Variants in DOCK8 observed in about 807,000 individuals in gnomAD.
DOCK8 encodes dedicator of cytokinesis 8.
A neutral mutation model predicts 245.6 loss-of-function variants in DOCK8; 141 were observed. The ratio of observed to expected loss-of-function variants is 0.57; its 90% CI spans 0.50 to 0.66. DOCK8 has a LOEUF of 0.66. DOCK8 is among the 30% of genes least tolerant of loss of function. DOCK8 has a pLI of 0.00. For synonymous variants in DOCK8, 1,168 were observed against 970.2 expected, an observed-to-expected ratio of 1.20 and a Z score of -3.79; for missense variants, 2,965 against 2,603.4, an observed-to-expected ratio of 1.14 and a Z score of -3.02.
At chr9:432,420 A>T in intron 37 of DOCK8, 96 bp downstream of exon 37, 1 of 1,159,834 alleles carries the variant, frequency 8.6e-7, no homozygotes, top group Non-Finnish European at 1.2e-6. Context: ...TTTATATATA[A>T]ATATATAACA....
intron 12 of DOCK8, 111 bp from the exon 13 acceptor site, chr9:338,895 G>A: frequency 1.2e-6 from 1 of 848,882 alleles, no homozygotes; most frequent in Non-Finnish European, 2.0e-6. Flanking sequence ...TAATTTCTAT[G>A]AAAGACTTGT....
At chr9:449,133 C>G (rs1406418567) in intron 44 of DOCK8, among the ~76,000 whole-genome samples, 2 of 151,894 alleles carry the variant, frequency 1.3e-5, no homozygotes, top group Non-Finnish European at 2.9e-5. Flanking sequence ...GGGGGATTGC[C>G]TAAGGTTGGG....
intron 1 of DOCK8, among the ~76,000 whole-genome samples, chr9:254,380 AGTGT>A: frequency 6.6e-6 from 1 of 152,172 alleles, no homozygotes; most frequent in East Asian, 1.9e-4. Context: ...GGCTTCGCTG[AGTGT>A]GTGCCTTCTG....
rs552497428 is a variant in DOCK8 at position 247,040 on chromosome 9, A to G, written c.54-24587A>G. On this transcript the variant is annotated intron_variant, in intron 1 of 47. Transcript: ENST00000432829. ...TATTGAATTTAGAATTCCTTAATTAATATTGAGGATCACATGCGAGCTACA... is the reference window on the plus strand; with the variant it reads ...TATTGAATTTAGAATTCCTTAATTAGTATTGAGGATCACATGCGAGCTACA... Among the ~76,000 whole-genome samples, 40 of 152,340 alleles carry G rather than the reference A, an allele frequency of 2.6e-4. 1 individual carries two copies. The South Asian group carries it at 4.3e-3, about 17-fold the overall frequency.
At chr9:251,326 T>C (rs1246154729) in intron 1 of DOCK8, among the ~76,000 whole-genome samples, 1 of 152,170 alleles carries the variant, frequency 6.6e-6, no homozygotes, top group East Asian at 1.9e-4. Context: ...CTCTTAAATC[T>C]TTTACCCATT....
At position 214,889 on chromosome 9, in the gene DOCK8, G is replaced by A; in HGVS notation, c.-88G>A. On this transcript the variant is annotated 5_prime_UTR_variant, in exon 1 of 48. Coordinates refer to ENST00000432829, the MANE Select transcript of DOCK8 (RefSeq NM_203447.4). ...CGACAGACGAGGTTTGCGCTTGGCTGGGCATGTTCCGCGGCTACTCTGCGG... is the reference window on the plus strand; with the variant it reads ...CGACAGACGAGGTTTGCGCTTGGCTAGGCATGTTCCGCGGCTACTCTGCGG... The A allele has an allele frequency of 6.2e-7, 1 of 1,602,670 alleles. No individual in the cohort carries two copies. The highest frequency in any genetic ancestry group is 8.5e-7 in the Non-Finnish European group (1 of 1,175,322).
chr9:274,465 C>CTTTTTT (rs71312800), intron 2 of DOCK8, among the ~76,000 whole-genome samples: 1 of 144,974 alleles, frequency 6.9e-6, no homozygotes, highest in Non-Finnish European at 1.5e-5. Flanking sequence ...GGATTGAATT[C>CTTTTTT]TTTTTTTTTT....
chr9:296,953 A>G lies in DOCK8; in HGVS notation c.404+7372A>G, dbSNP rs145539197. 3.1e-3 allele frequency among the ~76,000 whole-genome samples: 478 copies of G among 152,246 alleles called. 5 individuals carry two copies. Among genetic ancestry groups the G allele is most frequent in the African/African-American group, 0.011 (443 of 41,534 alleles). On this transcript the variant is annotated intron_variant, in intron 4 of 47. Coordinates refer to ENST00000432829, the MANE Select transcript of DOCK8 (RefSeq NM_203447.4). ...CATGTGGGTTCTGATTTTCCATGCC[A>G]GGCAGTCCATCTTAAATGGATGCAT...
intron 24 of DOCK8, among the ~76,000 whole-genome samples, chr9:393,084 T>C (rs1586884116): frequency 3.5e-5 from 1 of 28,866 alleles, no homozygotes; most frequent in Admixed American, 5.5e-4. Context: ...AGACCCTGTC[T>C]CAAAAAAAAA....
At chr9:365,699 C>G (rs2052955742) in intron 14 of DOCK8, 1 of 438,724 alleles carries the variant, frequency 2.3e-6, no homozygotes, top group Non-Finnish European at 4.5e-6. Flanking sequence ...GGCCATGCAG[C>G]TAAAAGAAGC....
chr9:296,900 T>A (rs1209715435), intron 4 of DOCK8, among the ~76,000 whole-genome samples: 1 of 152,156 alleles, frequency 6.6e-6, no homozygotes, highest in Non-Finnish European at 1.5e-5. Flanking sequence ...CACACCAGCC[T>A]GGTTCAGCTT....
intron 7 of DOCK8, among the ~76,000 whole-genome samples, chr9:322,933 A>G (rs1408963196): frequency 6.6e-6 from 1 of 151,938 alleles, no homozygotes; most frequent in Non-Finnish European, 1.5e-5. Flanking sequence ...TCTCTACTAA[A>G]TATACAAAAA....
intron 1 of DOCK8, among the ~76,000 whole-genome samples, chr9:221,247 T>C (rs553763609): frequency 6.6e-6 from 1 of 152,116 alleles, no homozygotes; most frequent in Non-Finnish European, 1.5e-5. Context: ...GGAGAAATGA[T>C]GGCAACAGAA....
At position 396,939 on chromosome 9, in the gene DOCK8, CTG is replaced by C. The variant is rs753119411; in HGVS notation, c.3120+7_3120+8del. Reference sequence around the variant, plus strand: ...CTTTTAGTAAAACCACAGAAGGTAACTGTATTTTACTCTTTATTTTCTAAATT... The same window carrying C: ...CTTTTAGTAAAACCACAGAAGGTAACTATTTTACTCTTTATTTTCTAAATT... On this transcript the variant is annotated splice_donor_region_variant and intron_variant, in intron 25 of 47. Transcript: ENST00000432829. 1.9e-6 allele frequency: 3 copies of C among 1,613,250 alleles called. No homozygotes were observed. The highest frequency in any genetic ancestry group is 1.7e-5 in the Admixed American group (1 of 60,000).
chr9:259,966 A>G (rs1470664392), intron 1 of DOCK8, among the ~76,000 whole-genome samples: 1 of 152,240 alleles, frequency 6.6e-6, no homozygotes, highest in Non-Finnish European at 1.5e-5. Context: ...TAGCCAGGCT[A>G]TGTGGCTTTG....
At chr9:282,433 T>A (rs1288449568) in intron 2 of DOCK8, among the ~76,000 whole-genome samples, 1 of 146,142 alleles carries the variant, frequency 6.8e-6, no homozygotes, top group Non-Finnish European at 1.5e-5. Context: ...TTTTTTTGGT[T>A]TTCTAGAGAC....
intron 14 of DOCK8, among the ~76,000 whole-genome samples, chr9:349,202 G>A (rs1409530332): frequency 6.6e-6 from 1 of 152,176 alleles, no homozygotes; most frequent in East Asian, 1.9e-4. Flanking sequence ...GCGTAATAAG[G>A]TAATTGTTTA....
At chr9:279,674 AC>A (rs759952297) in intron 2 of DOCK8, among the ~76,000 whole-genome samples, 1 of 152,180 alleles carries the variant, frequency 6.6e-6, no homozygotes, top group Non-Finnish European at 1.5e-5. Context: ...CTGAGCAAAA[AC>A]CATTGAATTT....
At chr9:243,221 T>G (rs2047419587) in intron 1 of DOCK8, among the ~76,000 whole-genome samples, 1 of 152,174 alleles carries the variant, frequency 6.6e-6, no homozygotes, top group Non-Finnish European at 1.5e-5. Context: ...ATATTTGGAT[T>G]GCCGGGAGGT....
Sources: gnomAD v4.1 joint callset for allele counts (sites outside exome capture counted in the v4.1 genomes callset) on GRCh38, gnomAD v4.1.1 for gene constraint, MANE v1.5 for transcripts, NCBI Gene and HGNC (gene_info 2026-07-23, HGNC 2026-07-21) for gene names.